The following ZNF536 variants were observed in gnomAD, a reference collection of about 807,000 sequenced individuals.
ZNF536 encodes the protein zinc finger protein 536.
ZNF536 carries 13 observed loss-of-function variants against 84.5 expected under a neutral mutation model. That is an observed-to-expected ratio of 0.15 (90% confidence interval 0.10 to 0.24). The LOEUF is 0.24. Among genes scored for constraint, ZNF536 ranks in the 10% least tolerant of loss-of-function variants. The probability of loss-of-function intolerance (pLI) is 1.00; values close to 1 mark genes in which losing one functional copy is unlikely to be tolerated. For synonymous variants in ZNF536, 811 were observed against 742.5 expected (o/e 1.09, Z -1.50); for missense variants, 1,536 against 1,747.5 (o/e 0.88, Z 2.16).
intron 2 of ZNF536, among the ~76,000 whole-genome samples, chr19:30,290,130 A>G (rs548643980): frequency 3.3e-5 from 5 of 152,324 alleles, no homozygotes; most frequent in African/African-American, 1.2e-4. Flanking sequence ...ATAGTATTTA[A>G]CATTTTATGA....
At chr19:30,642,027 C>T (rs546052027) in intron 1 of ZNF536, among the ~76,000 whole-genome samples, 6 of 152,120 alleles carry the variant, frequency 3.9e-5, no homozygotes, top group African/African-American at 9.7e-5. Context: ...GCAAAGTTTG[C>T]GGGACCACCT....
chr19:30,634,042 C>T lies in ZNF536; in HGVS notation c.170-76715C>T, dbSNP rs1373457809. Among the ~76,000 whole-genome samples, 2 of 152,124 alleles carry T rather than the reference C, an allele frequency of 1.3e-5. 1 individual carries two copies. Among genetic ancestry groups the T allele is most frequent in the South Asian group, 4.2e-4 (2 of 4,812 alleles). ...GTGACACTGCCCCTGCCCCCACCTC[C>T]GTCGTACCCCTTCCCAGGAGCTCAG... On this transcript the variant is annotated intron_variant, in intron 1 of 1. Coordinates refer to the ZNF536 transcript ENST00000592773.
intron 1 of ZNF536, among the ~76,000 whole-genome samples, chr19:30,592,062 A>G (rs955152647): frequency 6.6e-6 from 1 of 152,206 alleles, no homozygotes; most frequent in Non-Finnish European, 1.5e-5. Flanking sequence ...GATAACCTTT[A>G]TTTATAGATG....
intron 1 of ZNF536, among the ~76,000 whole-genome samples, chr19:30,269,189 C>T (rs1413005032): frequency 6.6e-6 from 1 of 152,070 alleles, no homozygotes; most frequent in African/African-American, 2.4e-5. Flanking sequence ...AGCAGTGGTC[C>T]CTGGAACTCC....
intron 1 of ZNF536, among the ~76,000 whole-genome samples, chr19:30,705,745 G>A (rs1209521160): frequency 6.6e-6 from 1 of 152,090 alleles, no homozygotes; most frequent in Non-Finnish European, 1.5e-5. Context: ...TATGATTCTA[G>A]CATTGTATAG....
rs2051746677 is a variant in ZNF536, at chr19:30,436,364, T to A, written c.-2-7197T>A. ...CACCCGCGCTGCCCTCCTGTTCATC[T>A]ATTAATCATCTGGCAAATAAACCAC... On this transcript the variant is annotated intron_variant, in intron 1 of 4. Transcript: ENST00000355537. The A allele has an allele frequency of 6.1e-6, 2 of 329,264 alleles. 1 individual carries two copies. Among genetic ancestry groups the A allele is most frequent in the South Asian group, 2.4e-4 (2 of 8,388 alleles). 20.4% of individuals were successfully genotyped at this position (329,264 alleles called of 1,614,324 possible).
intron 2 of ZNF536, among the ~76,000 whole-genome samples, chr19:30,337,173 C>T (rs2047408351): frequency 6.6e-6 from 1 of 152,138 alleles, no homozygotes; most frequent in Non-Finnish European, 1.5e-5. Flanking sequence ...TCAAGGGAGA[C>T]TGATGGAAAC....
At chr19:30,657,509 C>G (rs528155888) in intron 1 of ZNF536, among the ~76,000 whole-genome samples, 2 of 152,338 alleles carry the variant, frequency 1.3e-5, no homozygotes, top group East Asian at 3.9e-4. Flanking sequence ...ACGTCTTGAT[C>G]TTTCCTACTG....
intron 1 of ZNF536, among the ~76,000 whole-genome samples, chr19:30,653,749 C>T (rs1170908059): frequency 3.3e-5 from 5 of 152,144 alleles, no homozygotes; most frequent in Non-Finnish European, 7.4e-5. Flanking sequence ...AGGTGTGGCT[C>T]TTCCCTTCTC....
At chr19:30,271,303 T>TTTC (rs1026870991) in intron 1 of ZNF536, among the ~76,000 whole-genome samples, 2 of 145,722 alleles carry the variant, frequency 1.4e-5, no homozygotes, top group African/African-American at 5.1e-5. Flanking sequence ...TCTTTTCTTT[T>TTTC]TTTTTTTTTT....
intron 2 of ZNF536, among the ~76,000 whole-genome samples, chr19:30,297,091 C>T (rs533675061): frequency 6.6e-6 from 1 of 152,336 alleles, no homozygotes; most frequent in South Asian, 2.1e-4. Flanking sequence ...GTACCTAAAA[C>T]ATCTCCCTCC....
intron 1 of ZNF536, among the ~76,000 whole-genome samples, chr19:30,439,980 T>TGA (rs2051957125): frequency 7.0e-6 from 1 of 143,554 alleles, no homozygotes; most frequent in Admixed American, 6.9e-5. Flanking sequence ...TTTTTTTTTT[T>TGA]GACAGAGTCT....
At chr19:30,449,942 C>G (rs1406601809) in intron 2 of ZNF536, among the ~76,000 whole-genome samples, 1 of 152,062 alleles carries the variant, frequency 6.6e-6, no homozygotes, top group African/African-American at 2.4e-5. Context: ...CTCTTTTTCT[C>G]ATGTGGCTCC....
intron 1 of ZNF536, among the ~76,000 whole-genome samples, chr19:30,605,876 A>G (rs2047851245): frequency 6.6e-6 from 1 of 152,140 alleles, no homozygotes; most frequent in East Asian, 1.9e-4. Flanking sequence ...CTGGCTTCAG[A>G]TAGGAGCCGT....
rs112268267 is a variant in ZNF536, at chr19:30,624,876, G to A, written c.169+75362G>A. Among the ~76,000 whole-genome samples the A allele has an allele frequency of 3.9e-3, 598 of 152,254 alleles. 6 individuals are homozygous for A. The highest frequency in any genetic ancestry group is 0.013 in the African/African-American group (555 of 41,550). ...AGTGATAGTGAGTGAGTTTTCATGA[G>A]ATCTGAGGGTTTTATAAGTGTTTGG... On this transcript the variant is annotated intron_variant, in intron 1 of 1. Transcript: ENST00000592773.
intron 2 of ZNF536, among the ~76,000 whole-genome samples, chr19:30,472,030 A>G (rs2053657334): frequency 6.6e-6 from 1 of 152,030 alleles, no homozygotes; most frequent in Non-Finnish European, 1.5e-5. Context: ...CCCCATCCCT[A>G]CAGCTTTCTT....
At chr19:30,582,102 T>A (rs2046940218) in intron 1 of ZNF536, among the ~76,000 whole-genome samples, 1 of 151,982 alleles carries the variant, frequency 6.6e-6, no homozygotes, top group African/African-American at 2.4e-5. Context: ...CTTTTGGCCA[T>A]GTTGTTGGTA....
chr19:30,641,713 C>A (rs925396702), intron 1 of ZNF536, among the ~76,000 whole-genome samples: 13 of 152,190 alleles, frequency 8.5e-5, no homozygotes, highest in Middle Eastern at 3.4e-3. Flanking sequence ...TATTTATATC[C>A]TTTTTCACTT....
At chr19:30,288,632 C>T (rs1433416728) in intron 2 of ZNF536, among the ~76,000 whole-genome samples, 1 of 152,188 alleles carries the variant, frequency 6.6e-6, no homozygotes, top group African/African-American at 2.4e-5. Context: ...AAGCAGATTT[C>T]CTGGGTTGGA....
Sources: gnomAD v4.1 joint callset for allele counts (sites outside exome capture counted in the v4.1 genomes callset) on GRCh38, gnomAD v4.1.1 for gene constraint, MANE v1.5 for transcripts, NCBI Gene and HGNC (gene_info 2026-07-23, HGNC 2026-07-21) for gene names.